Variants in CTNNA2 observed in about 807,000 individuals in gnomAD.
CTNNA2 encodes catenin alpha 2.
CTNNA2 carries 42 observed loss-of-function variants against 101.0 expected under a neutral mutation model. That is an observed-to-expected ratio of 0.42 (90% CI 0.32 to 0.54). The LOEUF (loss-of-function observed/expected upper bound fraction) is 0.54, where lower values mean the gene tolerates loss of function less well. CTNNA2 is among the 20% of genes least tolerant of loss of function. The pLI is 0.14. For synonymous variants in CTNNA2, 450 were observed against 456.4 expected (o/e 0.99, Z 0.18); for missense variants, 871 against 1,223.1 (o/e 0.71, Z 4.29).
At chr2:80,559,880 A>ATATATATATATT (rs1693400097) in intron 12 of CTNNA2, among the ~76,000 whole-genome samples, 5 of 142,664 alleles carry the variant, frequency 3.5e-5, no homozygotes, top group Admixed American at 6.9e-5. Flanking sequence ...TATCATATTT[A>ATATATATATATT]TATATATATA....
At chr2:79,540,857 A>G (rs1276818138) in intron 1 of CTNNA2, among the ~76,000 whole-genome samples, 1 of 152,136 alleles carries the variant, frequency 6.6e-6, no homozygotes, top group East Asian at 1.9e-4. Context: ...AACTTTTCCT[A>G]CTTACTGTAA....
At chr2:80,043,999 G>A (rs1270908669) in intron 7 of CTNNA2, among the ~76,000 whole-genome samples, 1 of 152,190 alleles carries the variant, frequency 6.6e-6, no homozygotes, top group Non-Finnish European at 1.5e-5. Context: ...GAAACATGTA[G>A]CAAATTGTTA....
intron 4 of CTNNA2, among the ~76,000 whole-genome samples, chr2:79,382,251 G>A (rs1012468629): frequency 1.3e-5 from 2 of 151,942 alleles, no homozygotes; most frequent in African/African-American, 4.8e-5. Context: ...CTGGGTCTCA[G>A]GGTTTGAGGC....
At chr2:79,805,842 G>A (rs1272171232) in intron 3 of CTNNA2, among the ~76,000 whole-genome samples, 1 of 151,980 alleles carries the variant, frequency 6.6e-6, no homozygotes, top group Non-Finnish European at 1.5e-5. Flanking sequence ...GGAGGCTGAG[G>A]CAGGAGAATG....
intron 7 of CTNNA2, among the ~76,000 whole-genome samples, chr2:79,935,674 G>A (rs2104438435): frequency 6.6e-6 from 1 of 152,298 alleles, no homozygotes; most frequent in Admixed American, 6.5e-5. Context: ...TACATGAGAT[G>A]AATGCATAAA....
At chr2:80,116,243 T>A (rs1187365300) in intron 7 of CTNNA2, among the ~76,000 whole-genome samples, 2 of 152,102 alleles carry the variant, frequency 1.3e-5, no homozygotes, top group Admixed American at 1.3e-4. Context: ...TGGGATGGAT[T>A]TGACCTGTGG....
At chr2:80,349,402 G>A (rs1468679513) in intron 7 of CTNNA2, among the ~76,000 whole-genome samples, 1 of 152,056 alleles carries the variant, frequency 6.6e-6, no homozygotes, top group Non-Finnish European at 1.5e-5. Flanking sequence ...GGTATATTCT[G>A]GCATAAACTA....
intron 2 of CTNNA2, among the ~76,000 whole-genome samples, chr2:79,715,453 C>A (rs2104831749): frequency 6.6e-6 from 1 of 152,044 alleles, no homozygotes; most frequent in East Asian, 1.9e-4. Context: ...TAAAGCTATT[C>A]AAAAAATGAA....
intron 7 of CTNNA2, among the ~76,000 whole-genome samples, chr2:80,217,172 C>A (rs554625847): frequency 6.6e-6 from 1 of 152,012 alleles, no homozygotes; most frequent in African/African-American, 2.4e-5. Context: ...GATAATGAAC[C>A]AGATGAATAG....
At chr2:80,217,975 G>A (rs79488910) in intron 7 of CTNNA2, among the ~76,000 whole-genome samples, 1 of 152,188 alleles carries the variant, frequency 6.6e-6, no homozygotes, top group African/African-American at 2.4e-5. Flanking sequence ...AACTCATTAT[G>A]ATGTATCCTC....
intron 7 of CTNNA2, among the ~76,000 whole-genome samples, chr2:79,915,975 C>T (rs573988617): frequency 6.6e-5 from 10 of 152,110 alleles, no homozygotes; most frequent in African/African-American, 1.4e-4. Flanking sequence ...CACATTTCTC[C>T]CATATGGGAA....
chr2:80,489,702 A>G (rs1405819693), intron 9 of CTNNA2, among the ~76,000 whole-genome samples: 1 of 152,230 alleles, frequency 6.6e-6, no homozygotes, highest in Non-Finnish European at 1.5e-5. Context: ...TCTGTGGCAG[A>G]CACCACAGTT....
chr2:79,615,518 C>T (rs1188917412), intron 1 of CTNNA2, among the ~76,000 whole-genome samples: 1 of 152,128 alleles, frequency 6.6e-6, no homozygotes, highest in Non-Finnish European at 1.5e-5. Flanking sequence ...AATAAAAATA[C>T]AGTACCTTTT....
chr2:79,595,766 C>T (rs1273042515), intron 1 of CTNNA2, among the ~76,000 whole-genome samples: 1 of 152,000 alleles, frequency 6.6e-6, no homozygotes, highest in Non-Finnish European at 1.5e-5. Flanking sequence ...TCACCTACTA[C>T]TTAATCTATA....
chr2:79,952,027 A>G (rs2916488), intron 7 of CTNNA2, among the ~76,000 whole-genome samples: 32,419 of 152,066 alleles, frequency 0.21, 3,709 homozygotes, highest in Middle Eastern at 0.35. Context: ...TCTCCCTGGA[A>G]TGCATTCTTT....
intron 2 of CTNNA2, among the ~76,000 whole-genome samples, chr2:79,667,272 A>G (rs1446354026): frequency 1.3e-5 from 2 of 152,192 alleles, no homozygotes; most frequent in African/African-American, 4.8e-5. Flanking sequence ...ATGAAGGTTA[A>G]CTTTTTGTGT....
intron 4 of CTNNA2, among the ~76,000 whole-genome samples, chr2:79,858,490 G>A (rs1025870452): frequency 1.3e-5 from 2 of 152,148 alleles, no homozygotes; most frequent in African/African-American, 4.8e-5. Context: ...GGGTGGACCT[G>A]CCTTTGTTCT....
intron 4 of CTNNA2, among the ~76,000 whole-genome samples, chr2:79,489,188 T>C (rs1007206162): frequency 2.0e-5 from 3 of 152,126 alleles, no homozygotes; most frequent in Non-Finnish European, 4.4e-5. Context: ...TTTCTCAATG[T>C]GATTTCTGTC....
intron 7 of CTNNA2, among the ~76,000 whole-genome samples, chr2:80,368,841 GTA>G (rs1462729180): frequency 0.059 from 8,316 of 140,004 alleles, 642 homozygotes; most frequent in African/African-American, 0.2. Context: ...ATGTGTGTGT[GTA>G]TATATGTGTG....
Sources: allele counts gnomAD v4.1 joint callset (sites outside exome capture counted in the v4.1 genomes callset), GRCh38; gene constraint gnomAD v4.1.1; transcripts MANE v1.5; gene names NCBI Gene and HGNC (gene_info 2026-07-23, HGNC 2026-07-21).